The following SLIT3 variants were observed in gnomAD, a reference collection of about 807,000 sequenced individuals.
SLIT3 encodes slit guidance ligand 3, also known as slit homolog 3 protein.
In SLIT3, 68 loss-of-function variants were observed where a neutral mutation model predicts 184.0. The ratio of observed to expected loss-of-function variants is 0.37; its 90% CI spans 0.30 to 0.45. The LOEUF (loss-of-function observed/expected upper bound fraction) is 0.45, where lower values mean the gene tolerates loss of function less well. Among genes scored for constraint, SLIT3 ranks in the 20% least tolerant of loss-of-function variants. The pLI, the probability that SLIT3 is intolerant of heterozygous loss-of-function variation, is 1.00. For synonymous variants in SLIT3, 831 were observed against 828.6 expected (o/e 1.00, Z -0.05); for missense variants, 1,707 against 2,026.0 (o/e 0.84, Z 3.02).
intron 4 of SLIT3, among the ~76,000 whole-genome samples, chr5:169,021,185 T>C (rs1756582770): frequency 6.6e-6 from 1 of 152,198 alleles, no homozygotes; most frequent in African/African-American, 2.4e-5. Context: ...GACTGGATTT[T>C]AGCTATAACT....
intron 4 of SLIT3, among the ~76,000 whole-genome samples, chr5:169,136,794 A>T (rs1055200250): frequency 6.6e-6 from 1 of 152,164 alleles, no homozygotes; most frequent in African/African-American, 2.4e-5. Context: ...TTGAACCATT[A>T]TAACGCAAGG....
intron 4 of SLIT3, among the ~76,000 whole-genome samples, chr5:169,118,848 C>T (rs141177904): frequency 3.0e-4 from 45 of 152,310 alleles, no homozygotes; most frequent in African/African-American, 9.6e-4. Flanking sequence ...ATACCCCTTG[C>T]TGGTAAAGCC....
intron 4 of SLIT3, among the ~76,000 whole-genome samples, chr5:169,033,114 C>T (rs1231814212): frequency 6.6e-6 from 1 of 151,814 alleles, no homozygotes; most frequent in African/African-American, 2.4e-5. Flanking sequence ...TATCCCCTGC[C>T]TGGTAATCAC....
Position 169,138,840 on chromosome 5 carries a change from AT to A in SLIT3, c.413+54638del, listed in dbSNP as rs780637558. On this transcript the variant is annotated intron_variant, in intron 4 of 35. Transcript: ENST00000519560. ...GTCAAGCAAGTGCTTCGCAATGAAA[AT>A]GCCCTAAGTGATATTATCATGGGGA... Among the ~76,000 whole-genome samples, 20 of 152,330 alleles carry A rather than the reference AT, an allele frequency of 1.3e-4. 1 individual carries two copies. Among genetic ancestry groups the A allele is most frequent in the Non-Finnish European group, 2.9e-4 (20 of 68,028 alleles).
At chr5:169,007,237 C>G (rs1261253144) in intron 4 of SLIT3, among the ~76,000 whole-genome samples, 1 of 151,878 alleles carries the variant, frequency 6.6e-6, no homozygotes, top group African/African-American at 2.4e-5. Context: ...AACTGTGACT[C>G]AAATAAATTT....
intron 4 of SLIT3, among the ~76,000 whole-genome samples, chr5:168,925,149 C>A (rs1761774498): frequency 6.6e-6 from 1 of 152,144 alleles, no homozygotes; most frequent in Non-Finnish European, 1.5e-5. Flanking sequence ...GCAGGAAGTC[C>A]AACAATTTGG....
chr5:168,729,690 T>A (rs569485069), intron 20 of SLIT3, among the ~76,000 whole-genome samples: 1 of 151,850 alleles, frequency 6.6e-6, no homozygotes, highest in East Asian at 1.9e-4. Flanking sequence ...TCACAAAAAA[T>A]CATGAAAATA....
At chr5:169,076,578 TC>T (rs1187555872) in intron 4 of SLIT3, among the ~76,000 whole-genome samples, 4 of 152,146 alleles carry the variant, frequency 2.6e-5, no homozygotes, top group African/African-American at 9.7e-5. Flanking sequence ...AAAATGGATT[TC>T]TTTTTTTTCT....
At chr5:169,271,262 C>G (rs531235176) in intron 1 of SLIT3, among the ~76,000 whole-genome samples, 1 of 152,166 alleles carries the variant, frequency 6.6e-6, no homozygotes, top group Non-Finnish European at 1.5e-5. Context: ...AGGCTAACTT[C>G]GAATAAGCTA....
At chr5:168,690,457 TC>T (rs1246179036) in intron 29 of SLIT3, among the ~76,000 whole-genome samples, 1 of 152,212 alleles carries the variant, frequency 6.6e-6, no homozygotes, top group Admixed American at 6.5e-5. Flanking sequence ...AGATCCCCAT[TC>T]CCTGCCCCTT....
chr5:169,131,915 C>T (rs186242792), intron 4 of SLIT3, among the ~76,000 whole-genome samples: 35 of 152,296 alleles, frequency 2.3e-4, no homozygotes, highest in Non-Finnish European at 4.6e-4. Context: ...GGGCACTTCA[C>T]AAGTATCACT....
intron 4 of SLIT3, among the ~76,000 whole-genome samples, chr5:169,097,333 C>T (rs1759826393): frequency 6.7e-6 from 1 of 149,160 alleles, no homozygotes; most frequent in African/African-American, 2.5e-5. Flanking sequence ...GTTTTACCCA[C>T]AAAAGAATGA....
chr5:168,834,673 C>A (rs1298142204), intron 6 of SLIT3, among the ~76,000 whole-genome samples: 3 of 108,548 alleles, frequency 2.8e-5, no homozygotes, highest in Non-Finnish European at 5.1e-5. Context: ...GGACACACAG[C>A]GAGACTCTGT....
At chr5:168,692,382 C>T (rs1208209172) in intron 29 of SLIT3, among the ~76,000 whole-genome samples, 1 of 152,104 alleles carries the variant, frequency 6.6e-6, no homozygotes, top group Non-Finnish European at 1.5e-5. Context: ...TTCTCTCTCC[C>T]TACCTACCTG....
At chr5:169,109,592 A>C (rs1760338497) in intron 4 of SLIT3, among the ~76,000 whole-genome samples, 1 of 152,328 alleles carries the variant, frequency 6.6e-6, no homozygotes, top group South Asian at 2.1e-4. Flanking sequence ...ATTGAAAATG[A>C]ATACAGCCTC....
chr5:169,251,291 A>G (rs971808826), intron 2 of SLIT3, 97 bp downstream of exon 2: 5 of 826,694 alleles, frequency 6.0e-6, no homozygotes, highest in Admixed American at 5.2e-5. Flanking sequence ...CCTGTTGTCC[A>G]GGGCTTGGGA....
At chr5:168,868,126 T>C (rs1759374214) in intron 5 of SLIT3, among the ~76,000 whole-genome samples, 1 of 152,200 alleles carries the variant, frequency 6.6e-6, no homozygotes, top group African/African-American at 2.4e-5. Flanking sequence ...CTCCTTCTCC[T>C]CTAACCCCGC....
chr5:168,861,597 G>C (rs1188264949), intron 5 of SLIT3, among the ~76,000 whole-genome samples: 1 of 152,108 alleles, frequency 6.6e-6, no homozygotes, highest in Non-Finnish European at 1.5e-5. Flanking sequence ...TCCAGAAAAG[G>C]GACTTGGCTT....
intron 1 of SLIT3, among the ~76,000 whole-genome samples, chr5:169,263,983 A>T (rs1308784062): frequency 1.3e-5 from 2 of 148,988 alleles, no homozygotes; most frequent in East Asian, 2.0e-4. Flanking sequence ...TTTTTTTTTT[A>T]AACATTTTAC....
Sources: allele counts gnomAD v4.1 joint callset (sites outside exome capture counted in the v4.1 genomes callset), GRCh38; gene constraint gnomAD v4.1.1; transcripts MANE v1.5; gene names NCBI Gene and HGNC (gene_info 2026-07-23, HGNC 2026-07-21).